DHX37: variants seen among roughly 807,000 people sequenced by gnomAD.
DHX37 encodes probable ATP-dependent RNA helicase DHX37.
DHX37 carries 52 observed loss-of-function variants against 134.3 expected under a neutral mutation model. The observed-to-expected ratio is 0.39, with a 90% CI of 0.31 to 0.49. DHX37 has a LOEUF of 0.49. Among genes scored for constraint, DHX37 ranks in the 20% least tolerant of loss-of-function variants. The pLI is 0.93. For synonymous variants in DHX37, 634 were observed against 670.7 expected (o/e 0.95, Z 0.85); for missense variants, 1,344 against 1,580.8 (o/e 0.85, Z 2.54).
At chr12:124,966,230 G>C (rs1010543006) in intron 12 of DHX37, among the ~76,000 whole-genome samples, 2 of 152,318 alleles carry the variant, frequency 1.3e-5, no homozygotes, top group Admixed American at 6.5e-5. Context: ...CACCATGCCT[G>C]GCTAATTTTG....
At chr12:124,978,117 C>T (rs961136850) in intron 4 of DHX37, among the ~76,000 whole-genome samples, 11 of 149,098 alleles carry the variant, frequency 7.4e-5, no homozygotes, top group Non-Finnish European at 1.0e-4. Flanking sequence ...CATGCCACCA[C>T]GCCCAGCTAA....
At chr12:124,959,978 C>T (rs989827110) in intron 16 of DHX37, among the ~76,000 whole-genome samples, 2 of 152,246 alleles carry the variant, frequency 1.3e-5, no homozygotes, top group Admixed American at 1.3e-4. Flanking sequence ...GGGATCCCCC[C>T]CTCCACTGGA....
At chr12:124,952,302 G>A in intron 21 of DHX37, 96 bp downstream of exon 21, 1 of 1,334,298 alleles carries the variant, frequency 7.5e-7, no homozygotes, top group South Asian at 1.5e-5. Flanking sequence ...CCACAGCTGA[G>A]AGGGAACAAG....
Position 124,953,835 on chromosome 12 carries a change from C to A in DHX37, c.2695+45G>T. The A allele has an allele frequency of 1.9e-6, 3 of 1,600,010 alleles. No individual in the cohort carries two copies. In the South Asian group the frequency reaches 3.3e-5, roughly 18 times the overall value. ...TTTTAAACATTTCAAGTGCCCAGGT[C>A]AGGTTGCCCGCCGGGTGCAGCGGCG... On this transcript the variant is annotated intron_variant, in intron 20 of 26. Coordinates refer to ENST00000308736, the MANE Select transcript of DHX37 (RefSeq NM_032656.4).
Position 124,950,261 on chromosome 12 carries a change from G to C in DHX37, c.3122-18C>G. On this transcript the variant is annotated intron_variant, in intron 23 of 26. Transcript: ENST00000308736. The stretch of plus-strand genomic sequence containing the variant: ...CACGCGATCTAGAAGGTGGGAGCCA[G>C]TGAGACAGGGACCCTCCTGCAGCTG... 1 of 1,613,174 alleles carries C rather than the reference G, an allele frequency of 6.2e-7. No homozygotes were observed. The highest frequency in any genetic ancestry group is 8.5e-7 in the Non-Finnish European group (1 of 1,179,862).
rs752819789 is a variant in DHX37 at position 124,980,446 on chromosome 12, GCC to G, written c.738+42_738+43del. Reference sequence around the variant, plus strand: ...CCAGGACGCCCTCTGTGCGCCCCTTGCCCGCTAACCTAGATTCTTAATCACAA... The same window carrying G: ...CCAGGACGCCCTCTGTGCGCCCCTTGCGCTAACCTAGATTCTTAATCACAA... On this transcript the variant is annotated intron_variant, in intron 4 of 26. Coordinates refer to ENST00000308736, the MANE Select transcript of DHX37 (RefSeq NM_032656.4). This position sits in a 1 kb window ranked among gnomAD's most constrained non-coding sequence, Gnocchi z 5.3. The G allele has an allele frequency of 1.1e-5, 17 of 1,590,610 alleles. No individual in the cohort carries two copies. In the South Asian group the frequency reaches 1.9e-4, roughly 18 times the overall value.
intron 2 of DHX37, 151 bp downstream of exon 2, chr12:124,985,945 G>A: frequency 1.2e-6 from 1 of 846,114 alleles, no homozygotes; most frequent in East Asian, 2.5e-5. Context: ...TATGTGGTTA[G>A]TGGCTACCGC....
Position 124,950,553 on chromosome 12 carries a change from G to A in DHX37, c.2984-3C>T. ...CTGGACCTCCACGCTAGAGACGCCT[G>A]GGGGCCGGGGGAGGAAGCTGGGGTT... On this transcript the variant is annotated splice_region_variant and splice_polypyrimidine_tract_variant and intron_variant, in intron 22 of 26. Transcript: ENST00000308736. 6.5e-7 allele frequency: 1 copy of A among 1,546,132 alleles called. No individual in the cohort carries two copies. The highest frequency in any genetic ancestry group is 8.7e-7 in the Non-Finnish European group (1 of 1,147,380).
At chr12:124,961,227 C>T (rs778795045) in intron 15 of DHX37, among the ~76,000 whole-genome samples, 14 of 113,508 alleles carry the variant, frequency 1.2e-4, no homozygotes, top group African/African-American at 2.8e-4. Context: ...CGCACACGCA[C>T]GCACACACAC....
In DHX37 at chr12:124,968,637, C is replaced by T; in HGVS notation, c.1305G>A (p.Arg435=). The change falls in exon 10 of 27, where the codon AGG becomes AGA. Residue 435 remains arginine, a synonymous_variant. Coordinates refer to ENST00000308736, the MANE Select transcript of DHX37 (RefSeq NM_032656.4). ...TGAAATGCACAGTCACTGGGAACTG[C>T]CTGGATTCCACCTGTGGGACGCCCA... ...KPPPVIKVES[R]QFPVTVHFNK... The T allele has an allele frequency of 6.2e-7, 1 of 1,614,086 alleles. No individual in the cohort carries two copies. Among genetic ancestry groups the T allele is most frequent in the Non-Finnish European group, 8.5e-7 (1 of 1,180,036 alleles).
At position 124,949,621 on chromosome 12, in the gene DHX37, T is replaced by C. The variant is rs943712307; in HGVS notation, c.3290+365A>G. ...TGACCTTATATGGAAAGAGGGTCAC[T>C]GCAAATGTCATGAGTTAAGGAGAGG... On this transcript the variant is annotated intron_variant, in intron 25 of 26. Transcript: ENST00000308736. This position sits in a 1 kb window ranked among gnomAD's most constrained non-coding sequence, Gnocchi z 4.0. 9.9e-5 allele frequency among the ~76,000 whole-genome samples: 15 copies of C among 152,098 alleles called. No individual in the cohort carries two copies. In the South Asian group the frequency reaches 2.1e-3, roughly 21 times the overall value.
chr12:124,973,638 C>CTTTTTTTTTTTTTTTTTTTTTTT lies in DHX37; in HGVS notation c.981-1040_981-1039insAAAAAAAAAAAAAAAAAAAAAAA, dbSNP rs71092252. Among the ~76,000 whole-genome samples the CTTTTTTTTTTTTTTTTTTTTTTT allele has an allele frequency of 2.9e-5, 3 of 102,874 alleles. 1 individual carries two copies. The highest frequency in any genetic ancestry group is 7.6e-5 in the African/African-American group (2 of 26,276). 67.5% of individuals were successfully genotyped at this position (102,874 alleles called of 152,430 possible). ...TTATGTATATGCGCCCCCCCCAACG[C>CTTTTTTTTTTTTTTTTTTTTTTT]TTTTTTTTTTTTTTTTTTTTGAGAT... On this transcript the variant is annotated intron_variant, in intron 6 of 26. Coordinates refer to ENST00000308736, the MANE Select transcript of DHX37 (RefSeq NM_032656.4).
intron 16 of DHX37, among the ~76,000 whole-genome samples, chr12:124,958,287 G>A (rs1954144716): frequency 6.6e-6 from 1 of 152,182 alleles, no homozygotes. Context: ...CGCAGGTAAG[G>A]AGGCAATGCT....
intron 12 of DHX37, among the ~76,000 whole-genome samples, chr12:124,966,253 A>G (rs976837162): frequency 6.6e-6 from 1 of 152,162 alleles, no homozygotes; most frequent in African/African-American, 2.4e-5. Flanking sequence ...TTTTTAGTAG[A>G]GACAGGGTTT....
chr12:124,952,750 C>G (rs1016380465), intron 20 of DHX37, 180 bp from the exon 21 acceptor site: 2 of 471,688 alleles, frequency 4.2e-6, no homozygotes, highest in Admixed American at 4.0e-5. Context: ...TTGCAGCCGC[C>G]CCCCCATTCC....
At position 124,977,032 on chromosome 12, in the gene DHX37, C is replaced by T. The variant is rs575949175; in HGVS notation, c.887+310G>A. ...CTGTACTCCAGCCGGGGTGACACAG[C>T]GAGACGCTGTCTCAAAAAAAAAAAA... On this transcript the variant is annotated intron_variant, in intron 5 of 26. Transcript: ENST00000308736. Among the ~76,000 whole-genome samples, 25 of 128,868 alleles carry T rather than the reference C, an allele frequency of 1.9e-4. 1 individual carries two copies. The South Asian group carries it at 2.6e-3, about 13-fold the overall frequency. The allele number at this position is 128,868 out of a possible 152,430, so 84.5% of individuals were successfully genotyped here.
intron 3 of DHX37, among the ~76,000 whole-genome samples, chr12:124,981,150 C>T (rs1432502876): frequency 6.6e-6 from 1 of 152,144 alleles, no homozygotes; most frequent in Non-Finnish European, 1.5e-5. Flanking sequence ...TGACTTCCCA[C>T]GATTACATCT....
Position 124,949,046 on chromosome 12 carries a change from C to T in DHX37, c.3291-865G>A, listed in dbSNP as rs570208134. The stretch of plus-strand genomic sequence containing the variant: ...GCTCCTTTGAATCTGCCCAGTGAGG[C>T]TCTCCCCGACCAGCCCAGTCGCACT... On this transcript the variant is annotated intron_variant, in intron 25 of 26. Coordinates refer to ENST00000308736, the MANE Select transcript of DHX37 (RefSeq NM_032656.4). The surrounding 1 kb of genome is among the most constrained non-coding windows in gnomAD (Gnocchi z 4.0). 1.3e-5 allele frequency among the ~76,000 whole-genome samples: 2 copies of T among 152,276 alleles called. No individual in the cohort carries two copies. The highest frequency in any genetic ancestry group is 4.8e-5 in the African/African-American group (2 of 41,546).
At chr12:124,959,793 TG>T (rs1954189550) in intron 16 of DHX37, among the ~76,000 whole-genome samples, 1 of 152,238 alleles carries the variant, frequency 6.6e-6, no homozygotes, top group African/African-American at 2.4e-5. Flanking sequence ...GGAGACCATG[TG>T]GGTTCTGTCA....
Sources: gnomAD v4.1 joint callset for allele counts (sites outside exome capture counted in the v4.1 genomes callset) on GRCh38, gnomAD v4.1.1 for gene constraint, Gnocchi (gnomAD v3.1) non-coding constraint, MANE v1.5 for transcripts, NCBI Gene and HGNC (gene_info 2026-07-23, HGNC 2026-07-21) for gene names.